The following SYT1 variants were observed in gnomAD, a reference collection of about 807,000 sequenced individuals.
The protein encoded by SYT1 is synaptotagmin 1, also known as synaptotagmin-1.
A neutral mutation model predicts 44.8 loss-of-function variants in SYT1; 8 were observed. That is an observed-to-expected ratio of 0.18 (90% confidence interval 0.10 to 0.32). SYT1 has a LOEUF of 0.32. SYT1 is among the 10% of genes least tolerant of loss of function. The pLI is 1.00. For synonymous variants in SYT1, 154 were observed against 188.8 expected (o/e 0.82, Z 1.51); for missense variants, 286 against 509.3 (o/e 0.56, Z 4.22).
chr12:79,319,963 A>G (rs553240675), intron 8 of SYT1, among the ~76,000 whole-genome samples: 4 of 152,316 alleles, frequency 2.6e-5, no homozygotes, highest in African/African-American at 9.6e-5. Flanking sequence ...GTGTATTTTA[A>G]TGTTCTCCAA....
chr12:79,070,027 T>C (rs1158454840), intron 3 of SYT1, among the ~76,000 whole-genome samples: 3 of 152,126 alleles, frequency 2.0e-5, no homozygotes, highest in Non-Finnish European at 4.4e-5. Flanking sequence ...TTTCATCCTT[T>C]CAAATTTTTC....
intron 2 of SYT1, among the ~76,000 whole-genome samples, chr12:79,035,426 G>C (rs1024488589): frequency 6.6e-6 from 1 of 151,542 alleles, no homozygotes; most frequent in East Asian, 1.9e-4. Context: ...AAAGATTTTT[G>C]GTTGGCTTCT....
Position 79,306,093 on chromosome 12 carries a change from A to G in SYT1, c.810+6542A>G, listed in dbSNP as rs535349929. ...TACACTGCCATATTGCCACTAAGAG[A>G]GTGCAAGGATATTGTCTGTTTTGTT... On this transcript the variant is annotated intron_variant, in intron 8 of 10. Transcript: ENST00000261205. 7.9e-5 allele frequency among the ~76,000 whole-genome samples: 12 copies of G among 152,306 alleles called. 1 individual carries two copies. The highest frequency in any genetic ancestry group is 2.9e-4 in the African/African-American group (12 of 41,562).
intron 4 of SYT1, among the ~76,000 whole-genome samples, chr12:79,239,144 A>C (rs1288580352): frequency 6.6e-6 from 1 of 152,208 alleles, no homozygotes; most frequent in African/African-American, 2.4e-5. Context: ...CCCTATTATA[A>C]ATATGTGTAA....
chr12:79,331,297 T>C (rs1881843916), intron 8 of SYT1, among the ~76,000 whole-genome samples: 1 of 152,182 alleles, frequency 6.6e-6, no homozygotes, highest in African/African-American at 2.4e-5. Flanking sequence ...AGATTCTTCT[T>C]TTTTCTTAAC....
intron 9 of SYT1, among the ~76,000 whole-genome samples, chr12:79,389,625 C>A (rs1003924988): frequency 6.6e-6 from 1 of 152,138 alleles, no homozygotes; most frequent in Non-Finnish European, 1.5e-5. Flanking sequence ...GTTTTTCTGG[C>A]TCCTGAATTA....
intron 3 of SYT1, among the ~76,000 whole-genome samples, chr12:79,113,010 A>T (rs1416167396): frequency 6.6e-6 from 1 of 152,152 alleles, no homozygotes; most frequent in Non-Finnish European, 1.5e-5. Flanking sequence ...GTACAAAGAG[A>T]TAATGAACTT....
chr12:79,172,269 C>A (rs549587104), intron 3 of SYT1, among the ~76,000 whole-genome samples: 5 of 151,848 alleles, frequency 3.3e-5, no homozygotes, highest in African/African-American at 4.8e-5. Context: ...ATTGAATAAC[C>A]TAACTTTAGG....
At chr12:79,259,076 C>G (rs1225386187) in intron 4 of SYT1, among the ~76,000 whole-genome samples, 1 of 152,040 alleles carries the variant, frequency 6.6e-6, no homozygotes, top group African/African-American at 2.4e-5. Context: ...GAGAATATAA[C>G]CTAAGGAAGA....
At chr12:79,424,529 A>G (rs1565951999) in intron 9 of SYT1, among the ~76,000 whole-genome samples, 1 of 152,164 alleles carries the variant, frequency 6.6e-6, no homozygotes, top group Admixed American at 6.6e-5. Flanking sequence ...TTTGAAATGC[A>G]TGGCCATGGC....
intron 9 of SYT1, among the ~76,000 whole-genome samples, chr12:79,396,510 G>A (rs1884875726): frequency 6.6e-6 from 1 of 152,042 alleles, no homozygotes; most frequent in Non-Finnish European, 1.5e-5. Context: ...TTTTTTGAAA[G>A]TTTTCCCAGA....
Position 79,451,137 on chromosome 12 carries a change from T to C in SYT1, c.*2013T>C, listed in dbSNP as rs1453496090. 1 of 152,238 alleles carries C rather than the reference T, an allele frequency of 6.6e-6. No homozygotes were observed. The highest frequency in any genetic ancestry group is 1.5e-5 in the Non-Finnish European group (1 of 68,060). The allele number at this position is 152,238 out of a possible 1,614,324, so 9.4% of individuals were successfully genotyped here. A position where few individuals can be genotyped will look rare whatever the true frequency, so the allele number is the denominator to read the frequency against. ...TTTCCCAGTAAAACTGGAATTCCTG[T>C]CGTTACTGTTTCCTTATCAAAGAAG... On this transcript the variant is annotated 3_prime_UTR_variant, in exon 11 of 11. Transcript: ENST00000261205.
chr12:79,123,900 G>A (rs1347783108), intron 3 of SYT1, among the ~76,000 whole-genome samples: 1 of 152,114 alleles, frequency 6.6e-6, no homozygotes, highest in Non-Finnish European at 1.5e-5. Flanking sequence ...GTGAAGAGGA[G>A]GCTAATTAAA....
chr12:79,137,133 T>C (rs573168228), intron 3 of SYT1, among the ~76,000 whole-genome samples: 1 of 152,190 alleles, frequency 6.6e-6, no homozygotes, highest in East Asian at 1.9e-4. Flanking sequence ...TTCACTCTTA[T>C]TGCCCAGCCT....
In SYT1 at chr12:78,907,692, G is replaced by A. The variant is rs182813327; in HGVS notation, c.-217+42583G>A. ...ACCAAAATATAAAATGCCAAGTGCCGTTAGGTCAAACACTCTGATCTGCCT... is the reference window on the plus strand; with the variant it reads ...ACCAAAATATAAAATGCCAAGTGCCATTAGGTCAAACACTCTGATCTGCCT... On this transcript the variant is annotated intron_variant, in intron 1 of 10. Transcript: ENST00000261205. 2.3e-4 allele frequency among the ~76,000 whole-genome samples: 35 copies of A among 152,058 alleles called. 1 individual carries two copies. In the Middle Eastern group the frequency reaches 0.014, roughly 59 times the overall value.
chr12:79,297,390 G>T (rs907482031), intron 7 of SYT1, among the ~76,000 whole-genome samples: 1 of 151,860 alleles, frequency 6.6e-6, no homozygotes, highest in African/African-American at 2.4e-5. Flanking sequence ...TAAAAATATT[G>T]TAATAGTAAT....
At chr12:78,893,309 T>A (rs1451875427) in intron 1 of SYT1, among the ~76,000 whole-genome samples, 2 of 151,868 alleles carry the variant, frequency 1.3e-5, no homozygotes, top group Non-Finnish European at 2.9e-5. Flanking sequence ...TGTAAAGTTA[T>A]AATCTAGATG....
chr12:78,904,231 G>C (rs1264350946), intron 1 of SYT1, among the ~76,000 whole-genome samples: 1 of 152,002 alleles, frequency 6.6e-6, no homozygotes, highest in African/African-American at 2.4e-5. Flanking sequence ...ATAAATATTT[G>C]TGAGATTTTA....
chr12:79,428,414 C>A (rs1029469047), intron 9 of SYT1, among the ~76,000 whole-genome samples: 4 of 152,138 alleles, frequency 2.6e-5, no homozygotes, highest in African/African-American at 9.7e-5. Flanking sequence ...AAGTTTCCTA[C>A]CAAAATGATC....
Sources: allele counts gnomAD v4.1 joint callset (sites outside exome capture counted in the v4.1 genomes callset), GRCh38; gene constraint gnomAD v4.1.1; transcripts MANE v1.5; gene names NCBI Gene and HGNC (gene_info 2026-07-23, HGNC 2026-07-21).